Variants in KCNIP1 observed in about 807,000 individuals in gnomAD.
The protein encoded by KCNIP1 is A-type potassium channel modulatory protein KCNIP1.
KCNIP1 carries 18 observed loss-of-function variants against 33.0 expected under a neutral mutation model. That is an observed-to-expected ratio of 0.55 (90% confidence interval 0.38 to 0.81). KCNIP1 has a LOEUF of 0.81. Ranked by LOEUF, KCNIP1 falls within the 30% of genes least tolerant of loss-of-function variation. KCNIP1 has a pLI of 0.00. For missense variants in KCNIP1, 238 were observed against 271.6 expected, an observed-to-expected ratio of 0.88 and a Z score of 0.87; for synonymous variants, 93 against 98.3, an observed-to-expected ratio of 0.95 and a Z score of 0.32.
At chr5:170,465,090 C>G (rs1183411021) in intron 1 of KCNIP1, among the ~76,000 whole-genome samples, 3 of 152,310 alleles carry the variant, frequency 2.0e-5, no homozygotes, top group Middle Eastern at 3.4e-3. Context: ...CCTTCAGGAA[C>G]ATGAGCACTG....
At chr5:170,606,455 A>T (rs1758924338) in intron 1 of KCNIP1, among the ~76,000 whole-genome samples, 1 of 152,118 alleles carries the variant, frequency 6.6e-6, no homozygotes, top group South Asian at 2.1e-4. Context: ...TTTACTTTTT[A>T]ATCACCAGGC....
intron 1 of KCNIP1, among the ~76,000 whole-genome samples, chr5:170,667,870 G>A (rs369268269): frequency 2.6e-5 from 4 of 152,110 alleles, no homozygotes; most frequent in Admixed American, 6.5e-5. Context: ...GGACTCTTCC[G>A]GTTGCAAGTA....
intron 1 of KCNIP1, among the ~76,000 whole-genome samples, chr5:170,496,350 G>T (rs1225371162): frequency 6.6e-6 from 1 of 152,218 alleles, no homozygotes; most frequent in East Asian, 1.9e-4. Context: ...AGAGCAGCAG[G>T]AGGACTTGGA....
chr5:170,630,623 G>C (rs1281208528), intron 1 of KCNIP1, among the ~76,000 whole-genome samples: 1 of 152,184 alleles, frequency 6.6e-6, no homozygotes, highest in African/African-American at 2.4e-5. Context: ...GAAAGAGAAA[G>C]GGTACTCTAG....
intron 1 of KCNIP1, among the ~76,000 whole-genome samples, chr5:170,527,818 C>CTT (rs776415437): frequency 3.3e-5 from 5 of 151,402 alleles, no homozygotes; most frequent in Middle Eastern, 6.8e-3. Flanking sequence ...TTTTCAGTTA[C>CTT]AGCAAAAGTA....
chr5:170,474,140 A>G (rs372069143), intron 1 of KCNIP1, among the ~76,000 whole-genome samples: 2 of 152,212 alleles, frequency 1.3e-5, no homozygotes, highest in African/African-American at 4.8e-5. Context: ...AAGGAAATCC[A>G]CATTAGTAAA....
At chr5:170,650,647 G>T (rs145878851) in intron 1 of KCNIP1, among the ~76,000 whole-genome samples, 2 of 152,224 alleles carry the variant, frequency 1.3e-5, no homozygotes, top group African/African-American at 2.4e-5. Flanking sequence ...AAATCTTTAC[G>T]TGGAAATGCT....
chr5:170,533,338 G>A (rs563326656), intron 1 of KCNIP1, among the ~76,000 whole-genome samples: 28 of 152,322 alleles, frequency 1.8e-4, no homozygotes, highest in African/African-American at 6.3e-4. Context: ...AGTTTAACAG[G>A]CATTTCTGAT....
Position 170,504,379 on chromosome 5 carries a change from C to A in KCNIP1, c.-194C>A. Reference sequence around the variant, plus strand: ...GGGAGCGGCTAGCCCTGAGTCCCTGCATGTGCGGGGCTGAAGAAGGAAGCC... The same window carrying A: ...GGGAGCGGCTAGCCCTGAGTCCCTGAATGTGCGGGGCTGAAGAAGGAAGCC... On this transcript the variant is annotated 5_prime_UTR_variant, in exon 1 of 8. Transcript: ENST00000328939. The surrounding 1 kb of genome is among the most constrained non-coding windows in gnomAD (Gnocchi z 6.0). 1 of 1,433,612 alleles carries A rather than the reference C, an allele frequency of 7.0e-7. No individual in the cohort carries two copies. Among genetic ancestry groups the A allele is most frequent in the Non-Finnish European group, 9.1e-7 (1 of 1,099,516 alleles). 88.8% of individuals were successfully genotyped at this position (1,433,612 alleles called of 1,614,324 possible).
chr5:170,393,483 C>A (rs1304827490), intron 1 of KCNIP1, among the ~76,000 whole-genome samples: 1 of 152,208 alleles, frequency 6.6e-6, no homozygotes, highest in African/African-American at 2.4e-5. Flanking sequence ...GCTCTGGATA[C>A]ACCACTGTGC....
intron 1 of KCNIP1, among the ~76,000 whole-genome samples, chr5:170,637,644 C>A (rs1760340665): frequency 1.3e-5 from 2 of 152,180 alleles, no homozygotes. Flanking sequence ...TTCCTGCAGA[C>A]ACCCACGAGG....
chr5:170,424,191 G>A (rs1466699600), intron 1 of KCNIP1, among the ~76,000 whole-genome samples: 7 of 152,178 alleles, frequency 4.6e-5, no homozygotes, highest in Non-Finnish European at 8.8e-5. Context: ...CCCAAGTGCG[G>A]GGTAGCAGGA....
intron 1 of KCNIP1, among the ~76,000 whole-genome samples, chr5:170,590,866 G>T (rs1197909029): frequency 1.3e-5 from 2 of 152,170 alleles, no homozygotes; most frequent in Non-Finnish European, 2.9e-5. Flanking sequence ...CCATCCTGAA[G>T]CTCCCCATCC....
chr5:170,548,652 T>C (rs1439777655), intron 1 of KCNIP1, among the ~76,000 whole-genome samples: 1 of 152,196 alleles, frequency 6.6e-6, no homozygotes, highest in East Asian at 1.9e-4. Context: ...AGACAGGTTT[T>C]CTGTGTTAGT....
chr5:170,360,264 G>A (rs911377231), intron 1 of KCNIP1, among the ~76,000 whole-genome samples: 2 of 152,214 alleles, frequency 1.3e-5, no homozygotes, highest in African/African-American at 4.8e-5. Context: ...AAGTGGCGAT[G>A]TGAAGTCACT....
At chr5:170,407,157 C>T (rs541839633) in intron 1 of KCNIP1, among the ~76,000 whole-genome samples, 6 of 152,336 alleles carry the variant, frequency 3.9e-5, no homozygotes, top group South Asian at 2.1e-4. Flanking sequence ...GTCCACACCA[C>T]GGACCAGCTA....
intron 1 of KCNIP1, among the ~76,000 whole-genome samples, chr5:170,660,868 A>G (rs900508076): frequency 6.6e-6 from 1 of 152,260 alleles, no homozygotes; most frequent in African/African-American, 2.4e-5. Flanking sequence ...TGCTGATCAC[A>G]GAGAAAGCTC....
At chr5:170,564,681 G>A (rs547156373) in intron 1 of KCNIP1, among the ~76,000 whole-genome samples, 7 of 152,310 alleles carry the variant, frequency 4.6e-5, no homozygotes, top group African/African-American at 1.7e-4. Context: ...GCCATGGGAG[G>A]TGGGAGATTC....
chr5:170,436,879 G>T (rs1002239714), intron 1 of KCNIP1, among the ~76,000 whole-genome samples: 1 of 152,190 alleles, frequency 6.6e-6, no homozygotes, highest in African/African-American at 2.4e-5. Context: ...ATCTGTAGGG[G>T]AGAAAAGATT....
Sources: gnomAD v4.1 joint callset for allele counts (sites outside exome capture counted in the v4.1 genomes callset) on GRCh38, gnomAD v4.1.1 for gene constraint, Gnocchi (gnomAD v3.1) non-coding constraint, MANE v1.5 for transcripts, NCBI Gene and HGNC (gene_info 2026-07-23, HGNC 2026-07-21) for gene names.